The following CCDC85C variants were observed in gnomAD, a reference collection of about 807,000 sequenced individuals.
CCDC85C encodes the protein coiled-coil domain-containing protein 85C.
In CCDC85C, 18 loss-of-function variants were observed where a neutral mutation model predicts 38.3. That is an observed-to-expected ratio of 0.47 (90% CI 0.33 to 0.70). The LOEUF is 0.70. Among genes scored for constraint, CCDC85C ranks in the 30% least tolerant of loss-of-function variants. The pLI is 0.03. For missense variants in CCDC85C, 566 were observed against 621.2 expected (o/e 0.91, Z 0.94); for synonymous variants, 264 against 293.8 (o/e 0.90, Z 1.04).
chr14:99,519,556 G>T (rs1226249261), intron 3 of CCDC85C, among the ~76,000 whole-genome samples: 1 of 152,190 alleles, frequency 6.6e-6, no homozygotes, highest in African/African-American at 2.4e-5. Flanking sequence ...GAGGATACCA[G>T]TGTGCACCAG....
Position 99,510,097 on chromosome 14 carries a change from G to A in CCDC85C, c.*5149C>T. On this transcript the variant is annotated 3_prime_UTR_variant, in exon 6 of 6. Transcript: ENST00000380243. ...AAAGATGGCCCTGAAGGGCCAGGAGGCACTGAAAAAGCAACCATTGCTGGC... is the reference window on the plus strand; with the variant it reads ...AAAGATGGCCCTGAAGGGCCAGGAGACACTGAAAAAGCAACCATTGCTGGC... The A allele has an allele frequency of 4.0e-6, 6 of 1,510,894 alleles. No individual in the cohort carries two copies. The highest frequency in any genetic ancestry group is 5.3e-6 in the Non-Finnish European group (6 of 1,128,392). 93.6% of individuals were successfully genotyped at this position (1,510,894 alleles called of 1,614,324 possible).
intron 1 of CCDC85C, among the ~76,000 whole-genome samples, chr14:99,574,981 T>A (rs746823289): frequency 7.9e-5 from 12 of 152,130 alleles, no homozygotes; most frequent in Non-Finnish European, 1.8e-4. Context: ...CTGGTCAAGG[T>A]CACAGGGCAA....
At chr14:99,584,088 C>T (rs1259110282) in intron 1 of CCDC85C, among the ~76,000 whole-genome samples, 1 of 152,018 alleles carries the variant, frequency 6.6e-6, no homozygotes, top group African/African-American at 2.4e-5. Flanking sequence ...AAGGGGGGCT[C>T]ACTATGTTGT....
rs1897513755 is a variant in CCDC85C at position 99,532,635 on chromosome 14, AC to A, written c.867+3379del. Reference sequence around the variant, plus strand: ...GAATCCAAAGGCAGGCTTGGGACCCACTGCTGCCGAGAGCCAAGGGCCCCTC... The same window carrying A: ...GAATCCAAAGGCAGGCTTGGGACCCATGCTGCCGAGAGCCAAGGGCCCCTC... On this transcript the variant is annotated intron_variant, in intron 2 of 5. Transcript: ENST00000380243. Among the ~76,000 whole-genome samples the A allele has an allele frequency of 2.0e-5, 3 of 152,102 alleles. No individual in the cohort carries two copies. In the South Asian group the frequency reaches 6.2e-4, roughly 32 times the overall value.
intron 1 of CCDC85C, among the ~76,000 whole-genome samples, chr14:99,599,531 C>A (rs2055177614): frequency 1.3e-5 from 2 of 152,114 alleles, no homozygotes; most frequent in Admixed American, 6.5e-5. Context: ...CTCAGTGTGC[C>A]ACACTGGACT....
intron 1 of CCDC85C, among the ~76,000 whole-genome samples, chr14:99,593,099 G>A (rs947454520): frequency 3.3e-5 from 5 of 152,260 alleles, no homozygotes; most frequent in South Asian, 2.1e-4. Context: ...CTCCCAGAGC[G>A]GGCTCATTAG....
intron 1 of CCDC85C, among the ~76,000 whole-genome samples, chr14:99,537,020 C>G (rs116012796): frequency 0.018 from 2,712 of 152,228 alleles, 84 homozygotes; most frequent in African/African-American, 0.062. Flanking sequence ...GGGGACCACC[C>G]AGCAACAGCA....
intron 1 of CCDC85C, among the ~76,000 whole-genome samples, chr14:99,596,325 T>A (rs188827635): frequency 6.6e-6 from 1 of 152,316 alleles, no homozygotes; most frequent in Non-Finnish European, 1.5e-5. Flanking sequence ...ACTGAGGAAA[T>A]GGCAGAATGT....
In CCDC85C at chr14:99,503,583, A is replaced by G; in HGVS notation, c.*11663T>C. 1.3e-6 allele frequency: 2 copies of G among 1,546,582 alleles called. No individual in the cohort carries two copies. The highest frequency in any genetic ancestry group is 1.8e-6 in the Non-Finnish European group (2 of 1,141,534). On this transcript the variant is annotated 3_prime_UTR_variant, in exon 6 of 6. Transcript: ENST00000380243. ...TCTCATCATACTCAGGATCCCAGTT[A>G]ACAATTGTGTATTTTCTTTTGTAAC...
chr14:99,538,395 G>A (rs989967664), intron 1 of CCDC85C, among the ~76,000 whole-genome samples: 1 of 152,196 alleles, frequency 6.6e-6, no homozygotes, highest in African/African-American at 2.4e-5. Flanking sequence ...AAGGCTCTCC[G>A]CAGCGCAATC....
intron 1 of CCDC85C, among the ~76,000 whole-genome samples, chr14:99,579,214 CCT>C (rs753384271): frequency 5.0e-4 from 76 of 152,370 alleles, no homozygotes; most frequent in Middle Eastern, 3.4e-3. Flanking sequence ...AGGGAAACCC[CCT>C]GTCCTGGGGC....
In CCDC85C at chr14:99,565,627, C is replaced by T. The variant is rs181985135; in HGVS notation, c.794-29539G>A. 9.7e-4 allele frequency among the ~76,000 whole-genome samples: 148 copies of T among 152,318 alleles called. 1 individual carries two copies. Among genetic ancestry groups the T allele is most frequent in the Admixed American group, 8.8e-3 (134 of 15,300 alleles). On this transcript the variant is annotated intron_variant, in intron 1 of 5. Coordinates refer to ENST00000380243, the MANE Select transcript of CCDC85C (RefSeq NM_001144995.2). ...GAGGGAGGCTGGGAGCGGGGGCAGGCTGCATGGGCAGCCGGGAAGAGCTGC... is the reference window on the plus strand; with the variant it reads ...GAGGGAGGCTGGGAGCGGGGGCAGGTTGCATGGGCAGCCGGGAAGAGCTGC...
intron 1 of CCDC85C, among the ~76,000 whole-genome samples, chr14:99,595,539 C>A (rs995650600): frequency 6.6e-6 from 1 of 152,184 alleles, no homozygotes; most frequent in African/African-American, 2.4e-5. Flanking sequence ...TTCTTACCTG[C>A]TCTCTTCTGC....
At position 99,511,067 on chromosome 14, in the gene CCDC85C, GACGTTAACC is replaced by G; in HGVS notation, c.*4170_*4178del. On this transcript the variant is annotated 3_prime_UTR_variant, in exon 6 of 6. Coordinates refer to ENST00000380243, the MANE Select transcript of CCDC85C (RefSeq NM_001144995.2). ...CACTGGGTTACTTTATACTAGTGAG[GACGTTAACC>G]AGCCATATTGGCTCAATAAATAGCT... 1 of 280,460 alleles carries G rather than the reference GACGTTAACC, an allele frequency of 3.6e-6. No homozygotes were observed. The highest frequency in any genetic ancestry group is 6.6e-6 in the Non-Finnish European group (1 of 151,248). The allele number at this position is 280,460 out of a possible 1,614,324, so 17.4% of individuals were successfully genotyped here.
rs1200402370 is a variant in CCDC85C at position 99,517,097 on chromosome 14, A to G, written c.1062T>C (p.His354=). The change falls in exon 4 of 6, where the codon CAT becomes CAC. Residue 354 remains histidine (H), a synonymous_variant. Coordinates refer to ENST00000380243, the MANE Select transcript of CCDC85C (RefSeq NM_001144995.2). ...GGGTAGTGGCCCTCACCTTCATGGC[A>G]TGCACGACAGCCTCGGGCTTCTGTC... ...PAGQKPEAVV[H]AMKVLEVHEN... The G allele has an allele frequency of 2.6e-6, 4 of 1,550,348 alleles. No individual in the cohort carries two copies. In the South Asian group the frequency reaches 3.6e-5, roughly 14 times the overall value.
Position 99,501,327 on chromosome 14 carries a change from T to C in CCDC85C, c.*13919A>G, listed in dbSNP as rs1896820090. 6.8e-7 allele frequency: 1 copy of C among 1,470,152 alleles called. No individual in the cohort carries two copies. Among genetic ancestry groups the C allele is most frequent in the South Asian group, 1.1e-5 (1 of 87,750 alleles). The allele number at this position is 1,470,152 out of a possible 1,614,324, so 91.1% of individuals were successfully genotyped here. On this transcript the variant is annotated 3_prime_UTR_variant, in exon 6 of 6. Transcript: ENST00000380243. ...CTGCCTGTGAATTTTTCTATTGCTATTAATTTACCTTTTTGTCCCCATTTC... is the reference window on the plus strand; with the variant it reads ...CTGCCTGTGAATTTTTCTATTGCTACTAATTTACCTTTTTGTCCCCATTTC...
chr14:99,593,759 C>T (rs1372724912), intron 1 of CCDC85C, among the ~76,000 whole-genome samples: 3 of 152,248 alleles, frequency 2.0e-5, no homozygotes, highest in African/African-American at 4.8e-5. Context: ...GGCTGTTCTC[C>T]GGGATCCTGG....
chr14:99,577,311 A>C (rs554849268), intron 1 of CCDC85C, among the ~76,000 whole-genome samples: 2 of 150,962 alleles, frequency 1.3e-5, no homozygotes, highest in East Asian at 4.0e-4. Context: ...GAGCCCACTT[A>C]GCAGCTGAGG....
chr14:99,599,852 G>A (rs1028533213), intron 1 of CCDC85C, among the ~76,000 whole-genome samples: 9 of 152,182 alleles, frequency 5.9e-5, no homozygotes, highest in Non-Finnish European at 1.2e-4. Context: ...TCTAGCCTGG[G>A]TGACCAGAGA....
Sources: gnomAD v4.1 joint callset for allele counts (sites outside exome capture counted in the v4.1 genomes callset) on GRCh38, gnomAD v4.1.1 for gene constraint, MANE v1.5 for transcripts, NCBI Gene and HGNC (gene_info 2026-07-23, HGNC 2026-07-21) for gene names.